The following SMOC2 variants were observed in gnomAD, a reference collection of about 807,000 sequenced individuals.
The protein encoded by SMOC2 is SPARC-related modular calcium-binding protein 2.
Under a neutral mutation model 61.4 loss-of-function variants are expected in SMOC2, and 39 were observed. The ratio of observed to expected loss-of-function variants is 0.64; its 90% CI spans 0.49 to 0.83. The LOEUF (loss-of-function observed/expected upper bound fraction) is 0.83. Among genes scored for constraint, SMOC2 ranks in the 40% least tolerant of loss-of-function variants. The pLI is 0.00. For missense variants in SMOC2, 556 were observed against 592.9 expected, an observed-to-expected ratio of 0.94 and a Z score of 0.65; for synonymous variants, 247 against 239.9, an observed-to-expected ratio of 1.03 and a Z score of -0.27.
chr6:168,583,868 G>T (rs1784981609), intron 7 of SMOC2, among the ~76,000 whole-genome samples: 1 of 144,988 alleles, frequency 6.9e-6, no homozygotes. Context: ...CTGAAGAAGG[G>T]AGGAGGGCAG....
In SMOC2 at chr6:168,652,978, T is replaced by C. The variant is rs755113943; in HGVS notation, c.1035T>C (p.His345=). The C allele has an allele frequency of 2.5e-6, 4 of 1,613,810 alleles. No individual in the cohort carries two copies. The highest frequency in any genetic ancestry group is 3.4e-6 in the Non-Finnish European group (4 of 1,179,928). ...SGRLSEPDPS[H]TLEERVVHWY... ...GGCTCTCAGAACCCGACCCCAGCCA[T>C]ACCCTAGAGGAGCGGGTGGTGCACT... is the stretch of plus-strand genomic sequence containing the variant. The change falls in exon 11 of 13, where the codon CAT becomes CAC. Residue 345 remains histidine, a synonymous_variant. Transcript: ENST00000356284.
chr6:168,536,031 C>T (rs1300302348), intron 4 of SMOC2, among the ~76,000 whole-genome samples: 1 of 152,232 alleles, frequency 6.6e-6, no homozygotes, highest in South Asian at 2.1e-4. Context: ...CAACCTCACT[C>T]GGAGGGCCTG....
At chr6:168,664,389 T>C (rs1787603082) in intron 12 of SMOC2, 1 of 7,390 alleles carries the variant, frequency 1.4e-4, no homozygotes. Flanking sequence ...TAGATCTTTT[T>C]TTTTTTTTTT....
rs148996875 is a variant in SMOC2 at position 168,624,399 on chromosome 6, G to A, written c.907+16160G>A. On this transcript the variant is annotated intron_variant, in intron 9 of 12. Coordinates refer to ENST00000356284, the MANE Select transcript of SMOC2 (RefSeq NM_001166412.2). ...AAACATTCTGTACAATAAAGTACTC[G>A]TTGAAAGGCAGGCTTATGTGGAGTA... Among the ~76,000 whole-genome samples the A allele has an allele frequency of 3.3e-5, 5 of 152,332 alleles. No individual in the cohort carries two copies. The East Asian group carries it at 9.7e-4, about 29-fold the overall frequency.
chr6:168,651,050 C>G (rs575206385), intron 10 of SMOC2, among the ~76,000 whole-genome samples: 8 of 152,306 alleles, frequency 5.3e-5, no homozygotes, highest in African/African-American at 1.4e-4. Flanking sequence ...GACCCTGGCC[C>G]TTTTGGTGCG....
In SMOC2 at chr6:168,584,582, G is replaced by A. The variant is rs73260669; in HGVS notation, c.638-14236G>A. On this transcript the variant is annotated intron_variant, in intron 7 of 12. Coordinates refer to ENST00000356284, the MANE Select transcript of SMOC2 (RefSeq NM_001166412.2). ...ATTAAATGCAATTTTCTGAGAAGTG[G>A]ACTATGTACTTTTGCCTATCATTGA... Among the ~76,000 whole-genome samples, 255 of 152,034 alleles carry A rather than the reference G, an allele frequency of 1.7e-3. 1 individual carries two copies. Among genetic ancestry groups the A allele is most frequent in the African/African-American group, 5.9e-3 (246 of 41,492 alleles).
chr6:168,589,641 G>A (rs1785126411), intron 7 of SMOC2, among the ~76,000 whole-genome samples: 1 of 151,204 alleles, frequency 6.6e-6, no homozygotes, highest in Non-Finnish European at 1.5e-5. Flanking sequence ...TTAGGGGGCA[G>A]CCGGTCTGGT....
At position 168,453,974 on chromosome 6, in the gene SMOC2, A is replaced by G. The variant is rs914754871; in HGVS notation, c.84+12520A>G. 4.0e-5 allele frequency among the ~76,000 whole-genome samples: 6 copies of G among 148,964 alleles called. No homozygotes were observed. The highest frequency in any genetic ancestry group is 1.2e-4 in the African/African-American group (5 of 40,294). On this transcript the variant is annotated intron_variant, in intron 1 of 12. Coordinates refer to ENST00000356284, the MANE Select transcript of SMOC2 (RefSeq NM_001166412.2). The surrounding 1 kb of genome is among the most constrained non-coding windows in gnomAD (Gnocchi z 4.4). Reference sequence around the variant, plus strand: ...GCCATTCTCCCTCTCTGTTTTGTCTATCTTTCTTTGCCCCTCTATTTCTGT... The same window carrying G: ...GCCATTCTCCCTCTCTGTTTTGTCTGTCTTTCTTTGCCCCTCTATTTCTGT...
chr6:168,616,201 T>G (rs532763586), intron 9 of SMOC2, among the ~76,000 whole-genome samples: 15 of 152,172 alleles, frequency 9.9e-5, no homozygotes, highest in Admixed American at 2.0e-4. Context: ...CAGACACGAG[T>G]CTTCTAAATT....
intron 1 of SMOC2, among the ~76,000 whole-genome samples, chr6:168,446,491 CT>C (rs1781335857): frequency 1.3e-5 from 2 of 152,288 alleles, no homozygotes; most frequent in East Asian, 3.9e-4. Context: ...ACTGCCAGCC[CT>C]TATGTTTCTC....
chr6:168,622,785 TG>T (rs1282123651), intron 9 of SMOC2, among the ~76,000 whole-genome samples: 1 of 151,986 alleles, frequency 6.6e-6, no homozygotes, highest in East Asian at 1.9e-4. Flanking sequence ...AATGCTTTAC[TG>T]CAAAAGTAGA....
At chr6:168,621,695 G>C (rs1303257261) in intron 9 of SMOC2, among the ~76,000 whole-genome samples, 1 of 138,862 alleles carries the variant, frequency 7.2e-6, no homozygotes, top group Non-Finnish European at 1.6e-5. Context: ...AGTGCCAGAT[G>C]TTTATAAAAC....
intron 9 of SMOC2, among the ~76,000 whole-genome samples, chr6:168,630,979 A>T (rs2115247100): frequency 1.3e-5 from 2 of 152,182 alleles, no homozygotes; most frequent in Non-Finnish European, 2.9e-5. Context: ...AGCAATTTTA[A>T]TTTCACCCCG....
At chr6:168,663,588 G>A (rs1045265833) in intron 11 of SMOC2, among the ~76,000 whole-genome samples, 3 of 144,844 alleles carry the variant, frequency 2.1e-5, no homozygotes, top group Non-Finnish European at 3.0e-5. Flanking sequence ...TAGAGAATCT[G>A]TATGTTAGAA....
intron 7 of SMOC2, among the ~76,000 whole-genome samples, chr6:168,591,749 T>C (rs945287641): frequency 1.3e-5 from 2 of 151,782 alleles, no homozygotes; most frequent in African/African-American, 4.8e-5. Context: ...TTTCAGATTA[T>C]TTTTTCTTTA....
chr6:168,563,843 A>ACTC (rs1379892652), intron 7 of SMOC2, among the ~76,000 whole-genome samples: 1 of 149,498 alleles, frequency 6.7e-6, no homozygotes, highest in Non-Finnish European at 1.5e-5. Flanking sequence ...ACCAGGTAAG[A>ACTC]CTCCTCCCAA....
intron 1 of SMOC2, among the ~76,000 whole-genome samples, chr6:168,462,489 C>T (rs1235915452): frequency 6.6e-6 from 1 of 152,088 alleles, no homozygotes; most frequent in Non-Finnish European, 1.5e-5. Flanking sequence ...GAAGGTCCGG[C>T]TGCTGCTCCA....
chr6:168,516,704 GTTA>G (rs1783142526), intron 2 of SMOC2, among the ~76,000 whole-genome samples: 1 of 152,150 alleles, frequency 6.6e-6, no homozygotes, highest in East Asian at 1.9e-4. Flanking sequence ...CGCACATGCT[GTTA>G]TTATTAAGAT....
chr6:168,555,712 G>C (rs185815002), intron 7 of SMOC2, among the ~76,000 whole-genome samples: 1 of 152,174 alleles, frequency 6.6e-6, no homozygotes. Context: ...GATTCAGATG[G>C]GCAAAGACCT....
Sources: allele counts gnomAD v4.1 joint callset (sites outside exome capture counted in the v4.1 genomes callset), GRCh38; gene constraint gnomAD v4.1.1; non-coding constraint Gnocchi (gnomAD v3.1); transcripts MANE v1.5; gene names NCBI Gene and HGNC (gene_info 2026-07-23, HGNC 2026-07-21).